Variants in JAKMIP1 observed in about 807,000 individuals in gnomAD.
The protein encoded by JAKMIP1 is janus kinase and microtubule interacting protein 1, also known as janus kinase and microtubule-interacting protein 1.
Under a neutral mutation model 113.0 loss-of-function variants are expected in JAKMIP1, and 33 were observed. The ratio of observed to expected loss-of-function variants is 0.29; its 90% CI spans 0.22 to 0.39. The LOEUF is 0.39. JAKMIP1 is among the 10% of genes least tolerant of loss of function. The pLI is 1.00. For missense variants in JAKMIP1, 813 were observed against 1,080.5 expected, an observed-to-expected ratio of 0.75 and a Z score of 3.47; for synonymous variants, 480 against 459.9, an observed-to-expected ratio of 1.04 and a Z score of -0.56.
At chr4:6,102,378 G>A (rs1235547120) in intron 3 of JAKMIP1, among the ~76,000 whole-genome samples, 3 of 152,134 alleles carry the variant, frequency 2.0e-5, no homozygotes, top group Non-Finnish European at 4.4e-5. Context: ...AGGTGATGAA[G>A]TCATGAGGGC....
chr4:6,049,449 T>C lies in JAKMIP1; in HGVS notation c.1962+370A>G, dbSNP rs1450697016. Among the ~76,000 whole-genome samples, 1 of 152,110 alleles carries C rather than the reference T, an allele frequency of 6.6e-6. No individual in the cohort carries two copies. The highest frequency in any genetic ancestry group is 1.5e-5 in the Non-Finnish European group (1 of 68,032). On this transcript the variant is annotated intron_variant, in intron 15 of 20. Transcript: ENST00000409021. This position sits in a 1 kb window ranked among gnomAD's most constrained non-coding sequence, Gnocchi z 7.0. ...GCTCCTGTCCCTCTGGTTGGGGACA[T>C]TTCACAGAGTGGCACTAAGCTTTTG...
intron 3 of JAKMIP1, among the ~76,000 whole-genome samples, chr4:6,091,105 C>T (rs1279524684): frequency 6.6e-6 from 1 of 152,206 alleles, no homozygotes; most frequent in East Asian, 1.9e-4. Context: ...AATGTGTTGC[C>T]ATGGGCAACA....
At chr4:6,052,928 C>T (rs1715848031) in intron 13 of JAKMIP1, among the ~76,000 whole-genome samples, 1 of 152,126 alleles carries the variant, frequency 6.6e-6, no homozygotes, top group Admixed American at 6.5e-5. Flanking sequence ...GCCACAGGTC[C>T]CTGCCCACAC....
At chr4:6,123,758 C>G (rs1717019329) in intron 1 of JAKMIP1, among the ~76,000 whole-genome samples, 1 of 152,144 alleles carries the variant, frequency 6.6e-6, no homozygotes, top group South Asian at 2.1e-4. Flanking sequence ...GAGTTCAAAA[C>G]TGCAGTGAGT....
At chr4:6,125,849 C>CA (rs1560230993) in intron 1 of JAKMIP1, among the ~76,000 whole-genome samples, 401 of 32,306 alleles carry the variant, frequency 0.012, 50 homozygotes, top group African/African-American at 0.029. Context: ...ACACACACAC[C>CA]CCCCATACAG....
intron 1 of JAKMIP1, among the ~76,000 whole-genome samples, chr4:6,144,693 ACACT>A (rs535357268): frequency 5.5e-4 from 84 of 152,362 alleles, no homozygotes; most frequent in Admixed American, 1.3e-3. Context: ...CATGATAAAA[ACACT>A]CAGTCAGCTA....
intron 2 of JAKMIP1, among the ~76,000 whole-genome samples, chr4:6,111,647 G>A (rs76352758): frequency 0.031 from 4,777 of 152,288 alleles, 180 homozygotes; most frequent in African/African-American, 0.088. Context: ...TAGCGGACAA[G>A]CTGAGGTTTG....
chr4:6,149,528 G>A (rs1170680832), intron 1 of JAKMIP1, among the ~76,000 whole-genome samples: 1 of 152,188 alleles, frequency 6.6e-6, no homozygotes, highest in South Asian at 2.1e-4. Flanking sequence ...AAACCAACTC[G>A]CACTCGAAAT....
intron 1 of JAKMIP1, among the ~76,000 whole-genome samples, chr4:6,114,259 CAGA>C (rs1432669308): frequency 6.6e-6 from 1 of 152,128 alleles, no homozygotes; most frequent in Non-Finnish European, 1.5e-5. Flanking sequence ...ATGAACAGGA[CAGA>C]AGGAGAGAAA....
At chr4:6,027,947 G>A (rs561295386) in intron 20 of JAKMIP1, among the ~76,000 whole-genome samples, 14 of 152,282 alleles carry the variant, frequency 9.2e-5, no homozygotes, top group Non-Finnish European at 1.9e-4. Context: ...GGGAAGAACC[G>A]GTGCTGCCAG....
chr4:6,195,049 C>T (rs1052939427), intron 1 of JAKMIP1, among the ~76,000 whole-genome samples: 1 of 152,214 alleles, frequency 6.6e-6, no homozygotes, highest in Non-Finnish European at 1.5e-5. Flanking sequence ...TCCTCACAAC[C>T]GAGGGATGTG....
intron 1 of JAKMIP1, among the ~76,000 whole-genome samples, chr4:6,149,011 A>G (rs1721222665): frequency 6.6e-6 from 1 of 152,128 alleles, no homozygotes; most frequent in Non-Finnish European, 1.5e-5. Flanking sequence ...TTAGGTTTGC[A>G]GGGGGGTGGC....
intron 1 of JAKMIP1, among the ~76,000 whole-genome samples, chr4:6,175,557 A>G (rs1476812153): frequency 6.6e-6 from 1 of 152,186 alleles, no homozygotes. Context: ...CTCATGACTC[A>G]TCACTGATCT....
Position 6,157,534 on chromosome 4 carries a change from G to A in JAKMIP1, c.-148+42719C>T, listed in dbSNP as rs1722401581. The stretch of plus-strand genomic sequence containing the variant: ...TTTCCGTAACACCTTTTTTGACTAA[G>A]AATCCATCATTTTCCTAACTTTTTC... On this transcript the variant is annotated intron_variant, in intron 1 of 20. Transcript: ENST00000409021. The surrounding 1 kb of genome is among the most constrained non-coding windows in gnomAD (Gnocchi z 4.7). Among the ~76,000 whole-genome samples the A allele has an allele frequency of 6.6e-6, 1 of 152,154 alleles. No homozygotes were observed. The highest frequency in any genetic ancestry group is 2.1e-4 in the South Asian group (1 of 4,826).
At chr4:6,132,899 A>G (rs1310038456) in intron 1 of JAKMIP1, among the ~76,000 whole-genome samples, 2 of 152,146 alleles carry the variant, frequency 1.3e-5, no homozygotes, top group Non-Finnish European at 2.9e-5. Flanking sequence ...CGCATGCACA[A>G]AGCCAGCCAA....
chr4:6,102,344 G>T (rs187580753), intron 3 of JAKMIP1, among the ~76,000 whole-genome samples: 2 of 152,310 alleles, frequency 1.3e-5, no homozygotes, highest in Admixed American at 1.3e-4. Flanking sequence ...CAGTGTGATA[G>T]TATTAGGAGA....
intron 1 of JAKMIP1, among the ~76,000 whole-genome samples, chr4:6,165,956 A>G (rs1723578230): frequency 6.6e-6 from 1 of 151,970 alleles, no homozygotes; most frequent in African/African-American, 2.4e-5. Flanking sequence ...CACCTCCCCC[A>G]GCTCCTGAGG....
Position 6,040,495 on chromosome 4 carries a change from C to T in JAKMIP1, c.2175+144G>A, listed in dbSNP as rs1714171417. On this transcript the variant is annotated intron_variant, in intron 18 of 20. Transcript: ENST00000409021. This position sits in a 1 kb window ranked among gnomAD's most constrained non-coding sequence, Gnocchi z 5.8. ...AAAAGGGACAGTCTGTACGGTCATT[C>T]CAGTCACAAGGTGGAGATGGCATTT... The T allele has an allele frequency of 1.4e-6, 1 of 712,266 alleles. No homozygotes were observed. Among genetic ancestry groups the T allele is most frequent in the Non-Finnish European group, 2.6e-6 (1 of 384,904 alleles). The allele number at this position is 712,266 out of a possible 1,614,324, so 44.1% of individuals were successfully genotyped here. A position where few individuals can be genotyped will look rare whatever the true frequency, so the allele number is the denominator to read the frequency against.
In JAKMIP1 at chr4:6,050,884, T is replaced by C. The variant is rs1012959859; in HGVS notation, c.1807-205A>G. ...CAGCAGTTCTCCATGGAAATGTGTT[T>C]ACTTCTTCCCTATTCATCTAGGGAG... On this transcript the variant is annotated intron_variant, in intron 13 of 20. Coordinates refer to ENST00000409021, the MANE Select transcript of JAKMIP1 (RefSeq NM_001099433.2). The surrounding 1 kb of genome is among the most constrained non-coding windows in gnomAD (Gnocchi z 7.4). Among the ~76,000 whole-genome samples the C allele has an allele frequency of 6.6e-6, 1 of 152,218 alleles. No individual in the cohort carries two copies. The highest frequency in any genetic ancestry group is 1.5e-5 in the Non-Finnish European group (1 of 68,034).
Sources: allele counts gnomAD v4.1 joint callset (sites outside exome capture counted in the v4.1 genomes callset), GRCh38; gene constraint gnomAD v4.1.1; non-coding constraint Gnocchi (gnomAD v3.1); transcripts MANE v1.5; gene names NCBI Gene and HGNC (gene_info 2026-07-23, HGNC 2026-07-21).